Variants in TRPM2 observed in about 807,000 individuals in gnomAD.
The protein encoded by TRPM2 is estrogen-responsive element-associated gene 1 protein.
Under a neutral mutation model 174.0 loss-of-function variants are expected in TRPM2, and 161 were observed. That is an observed-to-expected ratio of 0.93 (90% confidence interval 0.81 to 1.05). The LOEUF is 1.05. Ranked by LOEUF, TRPM2 falls within the 50% of genes least tolerant of loss-of-function variation. The probability of loss-of-function intolerance (pLI) is 0.00; values close to 1 mark genes in which losing one functional copy is unlikely to be tolerated. For missense variants in TRPM2, 2,057 were observed against 2,038.0 expected (o/e 1.01, Z -0.18); for synonymous variants, 954 against 861.3 (o/e 1.11, Z -1.88).
chr21:44,424,911 C>T lies in TRPM2; in HGVS notation c.3609C>T (p.Phe1203=). 5 of 1,607,724 alleles carry T rather than the reference C, an allele frequency of 3.1e-6. No homozygotes were observed. The highest frequency in any genetic ancestry group is 1.7e-5 in the Admixed American group (1 of 59,586). ...TGAGGACGCTGCGGGCCAGCGGCTT[C>T]AGCTCGGAGGCGGACGTCCCCACTC... The part of the protein sequence containing the change: ...WIVRTLRASG[F]SSEADVPTLA... Residue 1203 remains phenylalanine (F), a synonymous_variant, in exon 24 of 32, where the codon TTC becomes TTT. Transcript: ENST00000397928.
intron 26 of TRPM2, 120 bp from the exon 27 acceptor site, chr21:44,426,890 G>A: frequency 9.0e-6 from 12 of 1,334,634 alleles, no homozygotes; most frequent in Non-Finnish European, 1.3e-5. Context: ...TCCTACTGTT[G>A]TGTACACCCA....
In TRPM2 at chr21:44,441,575, CA is replaced by C. The variant is rs952129297; in HGVS notation, c.4387-116del. The C allele has an allele frequency of 4.5e-6, 6 of 1,323,876 alleles. No individual in the cohort carries two copies. In the African/African-American group the frequency reaches 7.4e-5, roughly 16 times the overall value. 82.0% of individuals were successfully genotyped at this position (1,323,876 alleles called of 1,614,324 possible). On this transcript the variant is annotated intron_variant, in intron 31 of 31. Coordinates refer to ENST00000397928, the MANE Select transcript of TRPM2 (RefSeq NM_003307.4). ...CGCAGGGGTCCTGCCTCCCATTTCA[CA>C]GAGGAGTAAAGGGAGGGTGTGCAGG... is the stretch of plus-strand genomic sequence containing the variant.
intron 27 of TRPM2, 21 bp from the exon 28 acceptor site, chr21:44,435,110 C>G (rs8130176): frequency 0.018 from 28,277 of 1,608,932 alleles, 459 homozygotes; most frequent in African/African-American, 0.057. Flanking sequence ...GGTGGACTGA[C>G]TCAACCCCTC....
At chr21:44,359,229 G>C (rs1192235203) in intron 2 of TRPM2, among the ~76,000 whole-genome samples, 2 of 152,010 alleles carry the variant, frequency 1.3e-5, no homozygotes, top group Admixed American at 1.3e-4. Flanking sequence ...AGCACCAATT[G>C]GTCCATTTTA....
intron 22 of TRPM2, among the ~76,000 whole-genome samples, chr21:44,420,387 A>G (rs1312075130): frequency 1.3e-5 from 2 of 152,140 alleles, no homozygotes; most frequent in African/African-American, 2.4e-5. Context: ...CATGTTCCCC[A>G]TAGTATCCTG....
At chr21:44,426,829 G>C in intron 26 of TRPM2, 93 bp downstream of exon 26, 1 of 1,521,762 alleles carries the variant, frequency 6.6e-7, no homozygotes, top group Non-Finnish European at 9.1e-7. Flanking sequence ...GCCCAGCCCG[G>C]GGAGGTCCAG....
At position 44,369,206 on chromosome 21, in the gene TRPM2, A is replaced by G. The variant is rs2146167019; in HGVS notation, c.634A>G (p.Thr212Ala). The change falls in exon 5 of 32, where the codon ACC becomes GCC. Residue 212 changes from threonine to alanine, a missense_variant. By Grantham distance (58) the Thr-to-Ala change is moderately conservative. Transcript: ENST00000397928. ...CTGGATCATCACAGGGGGGTCCCACACCGGCGTCATGAAGCAGGTAGGCGA... is the reference window on the plus strand; with the variant it reads ...CTGGATCATCACAGGGGGGTCCCACGCCGGCGTCATGAAGCAGGTAGGCGA... ...GAWIITGGSH[T>A]GVMKQVGEAV... 1 of 1,612,712 alleles carries G rather than the reference A, an allele frequency of 6.2e-7. No individual in the cohort carries two copies. Among genetic ancestry groups the G allele is most frequent in the Non-Finnish European group, 8.5e-7 (1 of 1,179,542 alleles).
intron 22 of TRPM2, among the ~76,000 whole-genome samples, chr21:44,419,247 A>G (rs1458190677): frequency 1.3e-5 from 2 of 152,178 alleles, no homozygotes; most frequent in Non-Finnish European, 2.9e-5. Context: ...AGGCTCCTGC[A>G]GCCACAAACA....
chr21:44,388,083 C>A (rs1012127577), intron 9 of TRPM2, among the ~76,000 whole-genome samples: 2 of 152,158 alleles, frequency 1.3e-5, no homozygotes, highest in Non-Finnish European at 2.9e-5. Context: ...AAAGCAGGGT[C>A]TGGAAGAGAT....
At chr21:44,369,577 G>C (rs560061863) in intron 5 of TRPM2, among the ~76,000 whole-genome samples, 1 of 52,058 alleles carries the variant, frequency 1.9e-5, no homozygotes, top group Non-Finnish European at 4.0e-5. Flanking sequence ...AGTTCTGACC[G>C]GGTGCTGCGG....
chr21:44,377,915 C>T, intron 7 of TRPM2, 142 bp downstream of exon 7: 2 of 1,013,688 alleles, frequency 2.0e-6, no homozygotes, highest in South Asian at 1.6e-5. Flanking sequence ...GAAAGAGCAT[C>T]TACGCTGTGT....
intron 5 of TRPM2, among the ~76,000 whole-genome samples, chr21:44,371,733 T>C (rs1399086640): frequency 6.6e-6 from 1 of 152,222 alleles, no homozygotes; most frequent in Non-Finnish European, 1.5e-5. Flanking sequence ...ACCGGGTCCA[T>C]GAGCAGGCCT....
chr21:44,378,173 C>G (rs1260440522), intron 7 of TRPM2, among the ~76,000 whole-genome samples: 1 of 152,204 alleles, frequency 6.6e-6, no homozygotes, highest in Non-Finnish European at 1.5e-5. Context: ...CATCCCAGAT[C>G]CGTGGTGCCA....
chr21:44,424,133 A>G (rs537143055), intron 23 of TRPM2, among the ~76,000 whole-genome samples: 1 of 151,872 alleles, frequency 6.6e-6, no homozygotes, highest in South Asian at 2.1e-4. Context: ...ATCAACGTCC[A>G]CCAGCTGGGC....
At chr21:44,425,013 G>A (rs1421126775) in intron 24 of TRPM2, 74 bp downstream of exon 24, 1 of 1,355,644 alleles carries the variant, frequency 7.4e-7, no homozygotes, top group East Asian at 2.5e-5. Flanking sequence ...GTTGGGAGGA[G>A]AGGCAGCTGG....
intron 11 of TRPM2, among the ~76,000 whole-genome samples, chr21:44,393,299 G>GA (rs2049240754): frequency 6.6e-6 from 1 of 152,302 alleles, no homozygotes; most frequent in South Asian, 2.1e-4. Flanking sequence ...ATGCCTTTGA[G>GA]AAGATTGAGC....
Position 44,392,436 on chromosome 21 carries a change from TATA to T in TRPM2, c.1794+815_1794+817del, listed in dbSNP as rs751616598. Among the ~76,000 whole-genome samples, 28 of 151,472 alleles carry T rather than the reference TATA, an allele frequency of 1.8e-4. No individual in the cohort carries two copies. In the East Asian group the frequency reaches 5.4e-3, roughly 29 times the overall value. On this transcript the variant is annotated intron_variant, in intron 11 of 31. Coordinates refer to ENST00000397928, the MANE Select transcript of TRPM2 (RefSeq NM_003307.4). ...CCACACCCAGCTTTTTTTTTTTTTT[TATA>T]ATATTTTGTTGAGATGGGGTCTCAT...
chr21:44,425,552 G>C, intron 24 of TRPM2, 118 bp from the exon 25 acceptor site: 1 of 1,258,654 alleles, frequency 7.9e-7, no homozygotes, highest in East Asian at 2.8e-5. Context: ...ATTTGGGCTC[G>C]GGGAGGTGGA....
intron 12 of TRPM2, among the ~76,000 whole-genome samples, chr21:44,396,364 G>C (rs368421785): frequency 5.3e-3 from 7 of 1,312 alleles, no homozygotes; most frequent in African/African-American, 0.083. Flanking sequence ...ATGTGGAGGG[G>C]TGTGGAGGGG....
Sources: gnomAD v4.1 joint callset for allele counts (sites outside exome capture counted in the v4.1 genomes callset) on GRCh38, gnomAD v4.1.1 for gene constraint, MANE v1.5 for transcripts, NCBI Gene and HGNC (gene_info 2026-07-23, HGNC 2026-07-21) for gene names.